The following SBF1 variants were observed in gnomAD, a reference collection of about 807,000 sequenced individuals.
The protein encoded by SBF1 is myotubularin-related protein 5.
SBF1 carries 65 observed loss-of-function variants against 215.8 expected under a neutral mutation model. The observed-to-expected ratio is 0.30, with a 90% confidence interval of 0.25 to 0.37. SBF1 has a LOEUF of 0.37. SBF1 is among the 10% of genes least tolerant of loss of function. SBF1 has a pLI of 1.00. For synonymous variants in SBF1, 1,410 were observed against 1,122.8 expected, an observed-to-expected ratio of 1.26 and a Z score of -5.11; for missense variants, 2,634 against 2,667.8, an observed-to-expected ratio of 0.99 and a Z score of 0.28.
intron 22 of SBF1, 55 bp from the exon 23 acceptor site, chr22:50,461,341 C>T: frequency 6.4e-7 from 1 of 1,554,594 alleles, no homozygotes; most frequent in Non-Finnish European, 8.7e-7. Flanking sequence ...GGGGGGGTCC[C>T]AGAATCTCAG....
Position 50,462,616 on chromosome 22 carries a change from C to A in SBF1, c.2070G>T (p.Val690=), listed in dbSNP as rs1228533017. 1.2e-6 allele frequency: 2 copies of A among 1,612,664 alleles called. No individual in the cohort carries two copies. Among genetic ancestry groups the A allele is most frequent in the Middle Eastern group, 1.7e-4 (1 of 6,060 alleles). ...QFWEAMFYGD[V]QTHIRALYLE... ...GGTAGAGGGCCCGGATGTGAGTCTG[C>A]ACATCCCCATAGAACATGGCCTCCC... Residue 690 remains valine (V), a synonymous_variant, in exon 18 of 41, where the codon GTG becomes GTT. Transcript: ENST00000380817.
At chr22:50,473,224 G>A (rs1199882486) in intron 1 of SBF1, among the ~76,000 whole-genome samples, 1 of 152,060 alleles carries the variant, frequency 6.6e-6, no homozygotes, top group African/African-American at 2.4e-5. Flanking sequence ...GGATCATCAG[G>A]GTCATTATCA....
intron 1 of SBF1, among the ~76,000 whole-genome samples, chr22:50,469,200 GGA>G (rs1195812350): frequency 1.3e-5 from 2 of 152,204 alleles, no homozygotes; most frequent in African/African-American, 4.8e-5. Context: ...AGCTCTCAGA[GGA>G]GAGTGGGACG....
intron 1 of SBF1, among the ~76,000 whole-genome samples, chr22:50,470,538 G>A (rs2067959621): frequency 6.6e-6 from 1 of 152,150 alleles, no homozygotes; most frequent in Non-Finnish European, 1.5e-5. Flanking sequence ...GCTCCTCTGT[G>A]CCATGACAGC....
At position 50,461,196 on chromosome 22, in the gene SBF1, A is replaced by G. The variant is rs747560347; in HGVS notation, c.2930T>C (p.Leu977Pro). 1 of 1,610,700 alleles carries G rather than the reference A, an allele frequency of 6.2e-7. No individual in the cohort carries two copies. The highest frequency in any genetic ancestry group is 1.1e-5 in the South Asian group (1 of 90,970). ...ISVQTPVDQLLQDGLQLRSCT... is the reference protein window; with the variant it reads ...ISVQTPVDQLPQDGLQLRSCT... Reference sequence around the variant, plus strand: ...GGAGCGCAGCTGGAGCCCGTCCTGCAGGAGCTGGTCCACAGGGGTCTGGAC... The same window carrying G: ...GGAGCGCAGCTGGAGCCCGTCCTGCGGGAGCTGGTCCACAGGGGTCTGGAC... The change falls in exon 23 of 41, where the codon CTG (leucine) becomes CCG (proline). Residue 977 changes from leucine to proline, a missense_variant. Physicochemically the swap from Leu to Pro is moderately conservative, Grantham distance 98. Transcript: ENST00000380817.
Position 50,461,959 on chromosome 22 carries a change from C to T in SBF1, c.2557G>A (p.Val853Ile). 2 of 1,614,158 alleles carry T rather than the reference C, an allele frequency of 1.2e-6. No homozygotes were observed. Among genetic ancestry groups the T allele is most frequent in the Non-Finnish European group, 1.7e-6 (2 of 1,179,976 alleles). Residue 853 changes from valine to isoleucine, a missense_variant, in exon 20 of 41, where the codon GTC becomes ATC. By Grantham distance (29) the Val-to-Ile change is conservative. Transcript: ENST00000380817. ...CAAACCCCCGTACCTGGCACCATGACATGCAGCCCCTTGAGGTGGTCGCTG... is the reference window on the plus strand; with the variant it reads ...CAAACCCCCGTACCTGGCACCATGATATGCAGCCCCTTGAGGTGGTCGCTG... ...VTSDHLKGLH[V>I]MVPDIVQMHI...
At chr22:50,461,326 AGGGG>A in intron 22 of SBF1, 40 bp from the exon 23 acceptor site, 3 of 1,467,988 alleles carry the variant, frequency 2.0e-6, no homozygotes, top group Non-Finnish European at 2.8e-6. Flanking sequence ...AAGGAAGGTA[AGGGG>A]GGGGGGGTCC....
In SBF1 at chr22:50,464,659, G is replaced by C. The variant is rs1255451855; in HGVS notation, c.1511C>G (p.Pro504Arg). The change falls in exon 14 of 41, where the codon CCC (proline) becomes CGC (arginine). Residue 504 changes from proline to arginine, a missense_variant. By Grantham distance (103) the Pro-to-Arg change is moderately radical. Coordinates refer to ENST00000380817, the MANE Select transcript of SBF1 (RefSeq NM_002972.4). ...ESSHLRRVPR[P>R]FPRLDEGTVQ... Reference sequence around the variant, plus strand: ...GGTGCCCTCATCCAGCCGGGGGAAGGGTCGGGGCACCCGTCGCAGGTGGCT... The same window carrying C: ...GGTGCCCTCATCCAGCCGGGGGAAGCGTCGGGGCACCCGTCGCAGGTGGCT... 2 of 1,608,696 alleles carry C rather than the reference G, an allele frequency of 1.2e-6. No individual in the cohort carries two copies. The highest frequency in any genetic ancestry group is 2.2e-5 in the South Asian group (2 of 90,964).
rs201077213 is a variant in SBF1 at position 50,455,366 on chromosome 22, G to A, written c.4412C>T (p.Thr1471Met). 94 of 1,613,222 alleles carry A rather than the reference G, an allele frequency of 5.8e-5. No individual in the cohort carries two copies. Among genetic ancestry groups the A allele is most frequent in the Non-Finnish European group, 1.9e-5 (23 of 1,179,896 alleles). ...CACCAGCAGGCGAAAGCCCTCCAGC[G>A]TGCGGTAGAAGGGGTCTGAGAGCAG... is the stretch of plus-strand genomic sequence containing the variant. ...VQLLSDPFYR[T>M]LEGFRLLVEK... Residue 1471 changes from threonine to methionine, a missense_variant, in exon 33 of 41, where the codon ACG (threonine) becomes ATG (methionine). By Grantham distance (81) the Thr-to-Met change is moderately conservative (BLOSUM62 -1). Transcript: ENST00000380817.
intron 36 of SBF1, among the ~76,000 whole-genome samples, chr22:50,450,134 C>G (rs1206920025): frequency 6.6e-6 from 1 of 152,230 alleles, no homozygotes; most frequent in Admixed American, 6.5e-5. Context: ...CTCTAGAAAT[C>G]TAGACAGAGC....
intron 17 of SBF1, 46 bp from the exon 18 acceptor site, chr22:50,462,763 G>A: frequency 1.9e-6 from 3 of 1,609,398 alleles, no homozygotes; most frequent in East Asian, 2.2e-5. Flanking sequence ...GCCAGGAAGG[G>A]CGGCTGGGAA....
Position 50,454,756 on chromosome 22 carries a change from T to A in SBF1, c.4813-14A>T. ...GGGCCGCAGGACCTGAGGGTGGGCC[T>A]GTGGTTGAGGACCTGGGTCGGGCAG... On this transcript the variant is annotated splice_polypyrimidine_tract_variant and intron_variant, in intron 35 of 40. Coordinates refer to ENST00000380817, the MANE Select transcript of SBF1 (RefSeq NM_002972.4). 1 of 1,589,736 alleles carries A rather than the reference T, an allele frequency of 6.3e-7. No individual in the cohort carries two copies. The highest frequency in any genetic ancestry group is 8.5e-7 in the Non-Finnish European group (1 of 1,170,856).
At position 50,454,927 on chromosome 22, in the gene SBF1, T is replaced by TCTCCTCATACAG. The variant is rs1380871667; in HGVS notation, c.4687_4698dup (p.Leu1563_Glu1566dup). On this transcript the variant is annotated inframe_insertion, in exon 35 of 41. Transcript: ENST00000380817. ...GGCACCTGGCCCCTGCGTTCCCCCT[T>TCTCCTCATACAG]CTCCTCATACAGCAGCCCTGCACAG... is the stretch of plus-strand genomic sequence containing the variant. 6.2e-7 allele frequency: 1 copy of TCTCCTCATACAG among 1,613,788 alleles called. No homozygotes were observed. Among genetic ancestry groups the TCTCCTCATACAG allele is most frequent in the Admixed American group, 1.7e-5 (1 of 59,990 alleles).
chr22:50,464,560 G>T lies in SBF1; in HGVS notation c.1610C>A (p.Thr537Asn). The change falls in exon 14 of 41, where the codon ACC (threonine) becomes AAC (asparagine). Residue 537 changes from threonine to asparagine, a missense_variant. Transcript: ENST00000380817. ...APPAVKAERR[T>N]TVPSGPPMTA... ...CATGGGGGGCCCTGAGGGCACGGTG[G>T]TCCTCCTCTCGGCCTTCACAGCTGG... The T allele has an allele frequency of 1.2e-6, 2 of 1,611,866 alleles. No homozygotes were observed. The highest frequency in any genetic ancestry group is 1.7e-6 in the Non-Finnish European group (2 of 1,179,364).
chr22:50,455,099 T>C lies in SBF1; in HGVS notation c.4598A>G (p.Tyr1533Cys). 6.2e-7 allele frequency: 1 copy of C among 1,613,990 alleles called. No homozygotes were observed. The highest frequency in any genetic ancestry group is 2.2e-5 in the East Asian group (1 of 44,858). The stretch of plus-strand genomic sequence containing the variant: ...ATGGTGGTAGCCGAGGAACTTGAGG[T>C]AGAACTGGCTGAACTCAAACTCCAT... ...FPMEFEFSQF[Y>C]LKFLGYHHVS... The change falls in exon 34 of 41, where the codon TAC (tyrosine) becomes TGC (cysteine). Residue 1533 changes from tyrosine to cysteine, a missense_variant. Coordinates refer to ENST00000380817, the MANE Select transcript of SBF1 (RefSeq NM_002972.4).
chr22:50,449,491 A>T (rs564374749), intron 36 of SBF1, among the ~76,000 whole-genome samples: 2 of 152,116 alleles, frequency 1.3e-5, no homozygotes, highest in Non-Finnish European at 2.9e-5. Context: ...GGCAGGCACC[A>T]GTAATCCCAA....
Position 50,456,655 on chromosome 22 carries a change from C to T in SBF1, c.3923G>A (p.Arg1308Gln), listed in dbSNP as rs778601233. 37 of 1,488,826 alleles carry T rather than the reference C, an allele frequency of 2.5e-5. No homozygotes were observed. Among genetic ancestry groups the T allele is most frequent in the South Asian group, 8.4e-5 (6 of 71,502 alleles). 92.2% of individuals were successfully genotyped at this position (1,488,826 alleles called of 1,614,324 possible). A position where few individuals can be genotyped will look rare whatever the true frequency, so the allele number is the denominator to read the frequency against. ...AAGGCCACTGCTGCGTCCACTGGTC[C>T]GGACACTGCCCCACTTACCTGTGAA... is the stretch of plus-strand genomic sequence containing the variant. ...TAPRGKWGSV[R>Q]TSGRSSGLGT... Residue 1308 changes from arginine (R) to glutamine (Q), a missense_variant, in exon 30 of 41, where the codon CGG (arginine) becomes CAG (glutamine). By Grantham distance (43) the Arg-to-Gln change is conservative. Coordinates refer to ENST00000380817, the MANE Select transcript of SBF1 (RefSeq NM_002972.4).
In SBF1 at chr22:50,462,133, G is replaced by A. The variant is rs991839092; in HGVS notation, c.2397-14C>T. The A allele has an allele frequency of 2.5e-6, 4 of 1,611,694 alleles. No homozygotes were observed. The African/African-American group carries it at 4.0e-5, about 16-fold the overall frequency. ...CTGCCAGCCATGCTGGGCCAGAGAA[G>A]AAACTGTGGGCATGGGCCCTGCCCA... is the stretch of plus-strand genomic sequence containing the variant. On this transcript the variant is annotated splice_polypyrimidine_tract_variant and intron_variant, in intron 19 of 40. Transcript: ENST00000380817.
In SBF1 at chr22:50,455,288, G is replaced by A. The variant is rs1241002384; in HGVS notation, c.4490C>T (p.Thr1497Ile). The A allele has an allele frequency of 1.2e-6, 2 of 1,613,508 alleles. No homozygotes were observed. Among genetic ancestry groups the A allele is most frequent in the Non-Finnish European group, 1.7e-6 (2 of 1,179,926 alleles). The change falls in exon 33 of 41, where the codon ACC becomes ATC. Residue 1497 changes from threonine to isoleucine, a missense_variant. Coordinates refer to ENST00000380817, the MANE Select transcript of SBF1 (RefSeq NM_002972.4). ...GAAGCCGCTGCTCTGCCCGGCCAGG[G>A]TGTGAGCTCCACGGTGGCTGAAGCG... The part of the protein sequence containing the change: ...GHRFSHRGAH[T>I]LAGQSSGFTP...
Sources: allele counts gnomAD v4.1 joint callset (sites outside exome capture counted in the v4.1 genomes callset), GRCh38; gene constraint gnomAD v4.1.1; transcripts MANE v1.5; gene names NCBI Gene and HGNC (gene_info 2026-07-23, HGNC 2026-07-21).